ADAMTS6: variants seen among roughly 807,000 people sequenced by gnomAD.
ADAMTS6 encodes A disintegrin and metalloproteinase with thrombospondin motifs 6.
In ADAMTS6, 23 loss-of-function variants were observed where a neutral mutation model predicts 144.3. The observed-to-expected ratio is 0.16, with a 90% CI of 0.11 to 0.23. The LOEUF is 0.23. ADAMTS6 is among the 10% of genes least tolerant of loss of function. The pLI is 1.00. For missense variants in ADAMTS6, 999 were observed against 1,379.6 expected (o/e 0.72, Z 4.37); for synonymous variants, 444 against 457.5 (o/e 0.97, Z 0.38).
At chr5:65,292,267 T>C (rs1367011505) in intron 10 of ADAMTS6, among the ~76,000 whole-genome samples, 2 of 152,154 alleles carry the variant, frequency 1.3e-5, no homozygotes, top group Non-Finnish European at 2.9e-5. Flanking sequence ...GTGCATAAAA[T>C]AGGACAGATG....
At chr5:65,344,790 C>A (rs1748166126) in intron 7 of ADAMTS6, among the ~76,000 whole-genome samples, 1 of 151,736 alleles carries the variant, frequency 6.6e-6, no homozygotes, top group African/African-American at 2.4e-5. Context: ...TTTCGTTTCC[C>A]AAACAAAAAT....
At chr5:65,195,713 G>A (rs960417112) in intron 21 of ADAMTS6, among the ~76,000 whole-genome samples, 2 of 152,134 alleles carry the variant, frequency 1.3e-5, no homozygotes, top group Non-Finnish European at 2.9e-5. Flanking sequence ...TCATTATAAA[G>A]TTTTTCTCTC....
intron 7 of ADAMTS6, among the ~76,000 whole-genome samples, chr5:65,437,448 C>T (rs1355599061): frequency 5.3e-5 from 8 of 152,062 alleles, no homozygotes; most frequent in African/African-American, 1.7e-4. Flanking sequence ...TTCACTATTA[C>T]AAGAATAGCA....
intron 7 of ADAMTS6, among the ~76,000 whole-genome samples, chr5:65,436,609 G>A (rs1757430113): frequency 6.6e-6 from 1 of 152,158 alleles, no homozygotes; most frequent in African/African-American, 2.4e-5. Flanking sequence ...GCCGAGGTGG[G>A]TGGATCACCT....
At chr5:65,289,025 G>C (rs1416642349) in intron 11 of ADAMTS6, among the ~76,000 whole-genome samples, 1 of 152,140 alleles carries the variant, frequency 6.6e-6, no homozygotes, top group African/African-American at 2.4e-5. Flanking sequence ...AATACACTTT[G>C]TTAGTAACAT....
At chr5:65,374,272 G>C (rs1332727566) in intron 7 of ADAMTS6, among the ~76,000 whole-genome samples, 1 of 151,948 alleles carries the variant, frequency 6.6e-6, no homozygotes. Context: ...AATTAGGCAG[G>C]AGAAGGAAAT....
At chr5:65,393,040 T>C (rs1484182454) in intron 7 of ADAMTS6, among the ~76,000 whole-genome samples, 11 of 152,196 alleles carry the variant, frequency 7.2e-5, no homozygotes, top group Non-Finnish European at 4.4e-5. Context: ...ATGTGCTCAG[T>C]AGATCTCATT....
intron 21 of ADAMTS6, among the ~76,000 whole-genome samples, chr5:65,190,696 CCTAGATGTATCACT>C (rs1268420891): frequency 6.6e-6 from 1 of 152,144 alleles, no homozygotes; most frequent in African/African-American, 2.4e-5. Context: ...AGAAACTTAA[CCTAGATGTATCACT>C]CTAGCCTTTA....
chr5:65,275,416 A>C (rs533184079), intron 11 of ADAMTS6, among the ~76,000 whole-genome samples: 1 of 136,986 alleles, frequency 7.3e-6, no homozygotes, highest in Admixed American at 7.4e-5. Flanking sequence ...AGAAAGAAAG[A>C]AAAGAAAGAA....
At chr5:65,209,677 A>G (rs950295681) in intron 20 of ADAMTS6, among the ~76,000 whole-genome samples, 5 of 152,226 alleles carry the variant, frequency 3.3e-5, no homozygotes, top group African/African-American at 1.2e-4. Context: ...AAAGGTCTGG[A>G]TATTAATAAA....
At chr5:65,425,758 GTGC>G (rs1475494871) in intron 7 of ADAMTS6, among the ~76,000 whole-genome samples, 3 of 151,600 alleles carry the variant, frequency 2.0e-5, no homozygotes, top group Admixed American at 2.0e-4. Context: ...ACTTCAAGTA[GTGC>G]TGCTTCTTTT....
chr5:65,207,736 T>G (rs769539235), intron 20 of ADAMTS6, among the ~76,000 whole-genome samples: 20 of 152,226 alleles, frequency 1.3e-4, no homozygotes, highest in Non-Finnish European at 2.1e-4. Context: ...GAAAACAAAT[T>G]GTATCAGTGT....
intron 7 of ADAMTS6, among the ~76,000 whole-genome samples, chr5:65,374,457 C>A (rs10471656): frequency 6.8e-6 from 1 of 147,710 alleles, no homozygotes; most frequent in African/African-American, 2.6e-5. Context: ...CATTCTTATA[C>A]ACCAACAACA....
intron 22 of ADAMTS6, among the ~76,000 whole-genome samples, chr5:65,176,374 G>A (rs1050559166): frequency 2.5e-4 from 38 of 152,316 alleles, no homozygotes; most frequent in African/African-American, 8.7e-4. Context: ...TGTGCAAGTT[G>A]TATAAGGAAA....
chr5:65,435,154 A>T (rs1352213538), intron 7 of ADAMTS6, among the ~76,000 whole-genome samples: 1 of 152,218 alleles, frequency 6.6e-6, no homozygotes, highest in African/African-American at 2.4e-5. Flanking sequence ...AATTAAACAC[A>T]AAGTTAATTT....
chr5:65,180,443 G>C (rs765287463), intron 22 of ADAMTS6, among the ~76,000 whole-genome samples: 1 of 151,840 alleles, frequency 6.6e-6, no homozygotes, highest in Admixed American at 6.6e-5. Context: ...TCATAACCTG[G>C]TGCTGCCTCA....
intron 11 of ADAMTS6, among the ~76,000 whole-genome samples, chr5:65,284,973 T>G (rs1256620684): frequency 6.6e-6 from 1 of 152,088 alleles, no homozygotes; most frequent in Non-Finnish European, 1.5e-5. Context: ...CCTATAAAAG[T>G]AAGGACATTG....
intron 9 of ADAMTS6, among the ~76,000 whole-genome samples, chr5:65,303,692 A>T (rs1332589893): frequency 6.6e-6 from 1 of 151,948 alleles, no homozygotes; most frequent in Non-Finnish European, 1.5e-5. Context: ...TAAAATATAC[A>T]TTAAGATAAA....
At chr5:65,356,552 C>G (rs1580477231) in intron 7 of ADAMTS6, among the ~76,000 whole-genome samples, 1 of 152,018 alleles carries the variant, frequency 6.6e-6, no homozygotes, top group South Asian at 2.1e-4. Context: ...TGGCCAGCTC[C>G]AAAGAGCCAT....
Sources: allele counts gnomAD v4.1 joint callset (sites outside exome capture counted in the v4.1 genomes callset), GRCh38; gene constraint gnomAD v4.1.1; transcripts MANE v1.5; gene names NCBI Gene and HGNC (gene_info 2026-07-23, HGNC 2026-07-21).